Variants in NFATC3 observed in about 807,000 individuals in gnomAD.
NFATC3 encodes the protein nuclear factor of activated T-cells, cytoplasmic 3.
A neutral mutation model predicts 98.6 loss-of-function variants in NFATC3; 46 were observed. The observed-to-expected ratio is 0.47, with a 90% CI of 0.37 to 0.60. The LOEUF (loss-of-function observed/expected upper bound fraction) is 0.60. Ranked by LOEUF, NFATC3 falls within the 20% of genes least tolerant of loss-of-function variation. NFATC3 has a pLI of 0.00. For synonymous variants in NFATC3, 512 were observed against 472.2 expected, an observed-to-expected ratio of 1.08 and a Z score of -1.09; for missense variants, 1,256 against 1,295.5, an observed-to-expected ratio of 0.97 and a Z score of 0.47.
intron 5 of NFATC3, among the ~76,000 whole-genome samples, chr16:68,167,594 C>G (rs1194083917): frequency 2.0e-5 from 3 of 151,970 alleles, no homozygotes; most frequent in Non-Finnish European, 4.4e-5. Context: ...GCTGGTATGA[C>G]TTGAAATATT....
intron 3 of NFATC3, among the ~76,000 whole-genome samples, chr16:68,150,170 C>T (rs2038238507): frequency 6.6e-6 from 1 of 152,104 alleles, no homozygotes; most frequent in Non-Finnish European, 1.5e-5. Context: ...TCTTTGGTTA[C>T]AAGTCTTCTA....
At chr16:68,098,301 T>TTTTA (rs2035143763) in intron 1 of NFATC3, among the ~76,000 whole-genome samples, 1 of 86,086 alleles carries the variant, frequency 1.2e-5, no homozygotes. Flanking sequence ...ATTATTATTA[T>TTTTA]TTTTTTTTTT....
chr16:68,189,337 T>G, intron 8 of NFATC3: 1 of 208,940 alleles, frequency 4.8e-6, no homozygotes, highest in South Asian at 8.9e-5. Context: ...CTATCTCATA[T>G]AAGCCAGGGA....
chr16:68,099,434 CAA>C (rs997913348), intron 1 of NFATC3, among the ~76,000 whole-genome samples: 6 of 137,748 alleles, frequency 4.4e-5, no homozygotes, highest in African/African-American at 2.7e-5. Flanking sequence ...GACCCCACCT[CAA>C]AAAAAAAAAA....
At chr16:68,090,556 C>G (rs925205145) in intron 1 of NFATC3, among the ~76,000 whole-genome samples, 2 of 152,048 alleles carry the variant, frequency 1.3e-5, no homozygotes, top group African/African-American at 4.8e-5. Context: ...CTGTTTAATT[C>G]TAGTCTTTTA....
intron 9 of NFATC3, among the ~76,000 whole-genome samples, chr16:68,218,361 G>T (rs752667235): frequency 6.6e-6 from 1 of 151,534 alleles, no homozygotes; most frequent in African/African-American, 2.4e-5. Context: ...GATCACTTGA[G>T]TTCAGGAGTT....
chr16:68,162,734 A>G (rs1043179739), intron 4 of NFATC3, among the ~76,000 whole-genome samples: 2 of 152,162 alleles, frequency 1.3e-5, no homozygotes, highest in African/African-American at 4.8e-5. Flanking sequence ...GCAAAGATCA[A>G]AGAACATGTT....
At position 68,226,504 on chromosome 16, in the gene NFATC3, A is replaced by C; in HGVS notation, c.*33A>C. ...TACTGCAGCCTTGTGTCCACCACCA[A>C]CTTCTCAGCATGTTTCTCTCCTTGG... On this transcript the variant is annotated 3_prime_UTR_variant, in exon 10 of 10. Transcript: ENST00000346183. 6.9e-7 allele frequency: 1 copy of C among 1,455,904 alleles called. No individual in the cohort carries two copies. Among genetic ancestry groups the C allele is most frequent in the Non-Finnish European group, 9.0e-7 (1 of 1,106,526 alleles). 90.2% of individuals were successfully genotyped at this position (1,455,904 alleles called of 1,614,324 possible). A position where few individuals can be genotyped will look rare whatever the true frequency, so the allele number is the denominator to read the frequency against.
At chr16:68,135,434 G>A (rs1320705407) in intron 3 of NFATC3, among the ~76,000 whole-genome samples, 1 of 140,002 alleles carries the variant, frequency 7.1e-6, no homozygotes, top group Non-Finnish European at 1.5e-5. Flanking sequence ...CTCCAACCTG[G>A]GGGACACAGC....
chr16:68,118,718 A>G (rs1460525093), intron 1 of NFATC3, among the ~76,000 whole-genome samples: 2 of 152,204 alleles, frequency 1.3e-5, no homozygotes, highest in African/African-American at 2.4e-5. Flanking sequence ...ACAAATATCT[A>G]TTTGACATTT....
chr16:68,123,687 A>G (rs935311620), intron 2 of NFATC3, among the ~76,000 whole-genome samples: 6 of 151,968 alleles, frequency 3.9e-5, no homozygotes, highest in Non-Finnish European at 7.4e-5. Flanking sequence ...GGATTATAAT[A>G]TGAATTTAAT....
At chr16:68,142,471 G>T (rs2037804793) in intron 3 of NFATC3, among the ~76,000 whole-genome samples, 1 of 152,082 alleles carries the variant, frequency 6.6e-6, no homozygotes, top group African/African-American at 2.4e-5. Flanking sequence ...TCAAATCTAG[G>T]AGTCGGCCTG....
At chr16:68,135,044 C>G (rs2037316380) in intron 3 of NFATC3, among the ~76,000 whole-genome samples, 1 of 151,804 alleles carries the variant, frequency 6.6e-6, no homozygotes, top group African/African-American at 2.4e-5. Context: ...TAAGAATCTC[C>G]CTCCAGGTTC....
At chr16:68,096,355 A>G (rs753999997) in intron 1 of NFATC3, among the ~76,000 whole-genome samples, 5 of 152,242 alleles carry the variant, frequency 3.3e-5, no homozygotes, top group Non-Finnish European at 7.3e-5. Flanking sequence ...ATAGAAGAAT[A>G]TGTAGAAGAA....
At chr16:68,108,389 A>G (rs961633463) in intron 1 of NFATC3, among the ~76,000 whole-genome samples, 1 of 151,980 alleles carries the variant, frequency 6.6e-6, no homozygotes, top group Non-Finnish European at 1.5e-5. Context: ...ATGGTTGTAC[A>G]TGTGTGGTCT....
intron 3 of NFATC3, among the ~76,000 whole-genome samples, chr16:68,143,313 C>T (rs1042778188): frequency 6.6e-6 from 1 of 150,758 alleles, no homozygotes; most frequent in African/African-American, 2.4e-5. Context: ...ACTTGAGATA[C>T]GTTACTTTTT....
chr16:68,098,863 T>C (rs2035185532), intron 1 of NFATC3, among the ~76,000 whole-genome samples: 1 of 152,204 alleles, frequency 6.6e-6, no homozygotes, highest in South Asian at 2.1e-4. Context: ...TTTTTACCCA[T>C]TTAAAAAAGC....
chr16:68,173,136 C>A (rs2039541108), intron 5 of NFATC3, among the ~76,000 whole-genome samples: 1 of 152,044 alleles, frequency 6.6e-6, no homozygotes, highest in African/African-American at 2.4e-5. Flanking sequence ...GTGGCACATG[C>A]TTGTAGTCCC....
intron 1 of NFATC3, among the ~76,000 whole-genome samples, chr16:68,106,308 T>C (rs562542532): frequency 2.3e-4 from 35 of 151,892 alleles, no homozygotes; most frequent in East Asian, 1.7e-3. Context: ...TTTTTTTTTT[T>C]CGAGATGGAG....
Sources: gnomAD v4.1 joint callset for allele counts (sites outside exome capture counted in the v4.1 genomes callset) on GRCh38, gnomAD v4.1.1 for gene constraint, MANE v1.5 for transcripts, NCBI Gene and HGNC (gene_info 2026-07-23, HGNC 2026-07-21) for gene names.